Variants in XKR9 observed in about 807,000 individuals in gnomAD.
XKR9 encodes the protein XK related 9.
A neutral mutation model predicts 32.0 loss-of-function variants in XKR9; 32 were observed. That is an observed-to-expected ratio of 1.00 (90% CI 0.76 to 1.34). XKR9 has a LOEUF of 1.34. Among genes scored for constraint, XKR9 ranks in the 40% most tolerant of loss-of-function variants. XKR9 has a pLI of 0.00. For synonymous variants in XKR9, 168 were observed against 143.4 expected, an observed-to-expected ratio of 1.17 and a Z score of -1.22; for missense variants, 546 against 429.7, an observed-to-expected ratio of 1.27 and a Z score of -2.39.
chr8:71,005,589 C>T, the XKR9 span, among the ~76,000 whole-genome samples: 1 of 152,122 alleles, frequency 6.6e-6, no homozygotes. Context: ...TTTATGATTT[C>T]ATGAACTGCA....
At chr8:70,914,394 G>C in the XKR9 span, among the ~76,000 whole-genome samples, 2 of 152,134 alleles carry the variant, frequency 1.3e-5, no homozygotes, top group African/African-American at 2.4e-5. Context: ...TTGTGTACTT[G>C]TCAATATTTA....
At chr8:70,993,221 G>C in the XKR9 span, among the ~76,000 whole-genome samples, 3 of 152,202 alleles carry the variant, frequency 2.0e-5, no homozygotes, top group African/African-American at 7.2e-5. Context: ...CAGCCGGTCT[G>C]TGTCCACAAG....
At chr8:70,845,306 A>T in the XKR9 span, among the ~76,000 whole-genome samples, 2 of 152,234 alleles carry the variant, frequency 1.3e-5, no homozygotes, top group Non-Finnish European at 2.9e-5. Flanking sequence ...TGTTAAAGTC[A>T]ATGCAAAAAG....
At chr8:70,830,776 G>A in the XKR9 span, among the ~76,000 whole-genome samples, 393 of 152,208 alleles carry the variant, frequency 2.6e-3, 2 homozygotes, top group African/African-American at 8.9e-3. Context: ...ACTACCTTAT[G>A]AAGTAATAAA....
chr8:70,895,301 C>T, the XKR9 span, among the ~76,000 whole-genome samples: 1 of 152,040 alleles, frequency 6.6e-6, no homozygotes, highest in African/African-American at 2.4e-5. Flanking sequence ...TTTGTTATGC[C>T]TCAGATGCAC....
At chr8:70,712,702 AAAAC>A (rs1027739259) in intron 4 of XKR9, among the ~76,000 whole-genome samples, 9 of 152,168 alleles carry the variant, frequency 5.9e-5, no homozygotes, top group South Asian at 2.1e-4. Flanking sequence ...GCTAGTCCAA[AAAAC>A]AAACAAAATA....
the XKR9 span, among the ~76,000 whole-genome samples, chr8:70,912,627 T>A: frequency 6.6e-6 from 1 of 152,160 alleles, no homozygotes; most frequent in Non-Finnish European, 1.5e-5. Flanking sequence ...ATGAATATTT[T>A]CAACAGGCAA....
chr8:71,037,208 A>G, the XKR9 span, among the ~76,000 whole-genome samples: 1 of 152,190 alleles, frequency 6.6e-6, no homozygotes, highest in African/African-American at 2.4e-5. Flanking sequence ...AACATATGAC[A>G]TGCTATATCA....
the XKR9 span, among the ~76,000 whole-genome samples, chr8:71,022,258 C>A: frequency 1.3e-5 from 2 of 152,116 alleles, no homozygotes. Context: ...AGTTTGAAGT[C>A]ATTCTTTTTC....
chr8:70,910,335 T>G, the XKR9 span, among the ~76,000 whole-genome samples: 313 of 152,304 alleles, frequency 2.1e-3, 2 homozygotes, highest in African/African-American at 7.1e-3. Context: ...GCACTGCAAT[T>G]ACATGTACAC....
chr8:70,739,660 T>A (rs556072520), downstream of XKR9, among the ~76,000 whole-genome samples: 2 of 151,854 alleles, frequency 1.3e-5, no homozygotes, highest in Non-Finnish European at 2.9e-5. Context: ...TAGGGCAAGC[T>A]TGGTGGTGAC....
the XKR9 span, among the ~76,000 whole-genome samples, chr8:71,060,584 A>C: frequency 6.6e-6 from 1 of 152,206 alleles, no homozygotes; most frequent in Non-Finnish European, 1.5e-5. Flanking sequence ...TTCTAACTCC[A>C]GAATTCCAGA....
chr8:70,998,638 C>T, the XKR9 span, among the ~76,000 whole-genome samples: 1 of 152,138 alleles, frequency 6.6e-6, no homozygotes, highest in Non-Finnish European at 1.5e-5. Context: ...TGTTTGTGAA[C>T]AAGAATTTGC....
At chr8:71,024,209 G>T in the XKR9 span, among the ~76,000 whole-genome samples, 1 of 152,196 alleles carries the variant, frequency 6.6e-6, no homozygotes, top group Non-Finnish European at 1.5e-5. Flanking sequence ...CAGTTCAGCT[G>T]CTGGTGGGAG....
chr8:70,849,333 A>T, the XKR9 span, among the ~76,000 whole-genome samples: 1 of 152,234 alleles, frequency 6.6e-6, no homozygotes, highest in African/African-American at 2.4e-5. Context: ...GCAAAACTAC[A>T]TGGAAACTGA....
At chr8:71,046,707 A>G in the XKR9 span, among the ~76,000 whole-genome samples, 1 of 152,218 alleles carries the variant, frequency 6.6e-6, no homozygotes, top group African/African-American at 2.4e-5. Context: ...GGGTAGGAGT[A>G]AAAAACCTTA....
the XKR9 span, among the ~76,000 whole-genome samples, chr8:70,976,430 C>G: frequency 6.6e-6 from 1 of 152,062 alleles, no homozygotes; most frequent in African/African-American, 2.4e-5. Flanking sequence ...GCATGAAGGG[C>G]TGTTGAATTT....
intron 4 of XKR9, among the ~76,000 whole-genome samples, chr8:70,723,166 T>A (rs978975836): frequency 1.3e-5 from 2 of 152,164 alleles, no homozygotes; most frequent in African/African-American, 4.8e-5. Context: ...TATGTTCTTC[T>A]CTAAACTGAT....
At chr8:70,749,522 A>G (rs1250013148) in intron 2 of XKR9, among the ~76,000 whole-genome samples, 2 of 151,308 alleles carry the variant, frequency 1.3e-5, no homozygotes, top group Admixed American at 6.6e-5. Flanking sequence ...ACAGCCTCAC[A>G]TGGAGTCGGC....
Sources: gnomAD v4.1 joint callset for allele counts (sites outside exome capture counted in the v4.1 genomes callset) on GRCh38, gnomAD v4.1.1 for gene constraint, MANE v1.5 for transcripts, NCBI Gene and HGNC (gene_info 2026-07-23, HGNC 2026-07-21) for gene names.